Variants in NRG3 observed in about 807,000 individuals in gnomAD.
NRG3 encodes pro-neuregulin-3, membrane-bound isoform.
Under a neutral mutation model 66.9 loss-of-function variants are expected in NRG3, and 31 were observed. That is an observed-to-expected ratio of 0.46 (90% CI 0.35 to 0.63). The LOEUF (loss-of-function observed/expected upper bound fraction) is 0.63. Among genes scored for constraint, NRG3 ranks in the 20% least tolerant of loss-of-function variants. The pLI is 0.00. For missense variants in NRG3, 910 were observed against 878.9 expected (o/e 1.04, Z -0.45); for synonymous variants, 393 against 359.4 (o/e 1.09, Z -1.06).
At chr10:82,485,912 A>T (rs1007222534) in intron 2 of NRG3, among the ~76,000 whole-genome samples, 1 of 152,176 alleles carries the variant, frequency 6.6e-6, no homozygotes, top group Non-Finnish European at 1.5e-5. Flanking sequence ...TAAGGACTCA[A>T]TATCTAAAAA....
intron 1 of NRG3, among the ~76,000 whole-genome samples, chr10:82,222,620 C>G (rs1400481653): frequency 6.6e-6 from 1 of 152,158 alleles, no homozygotes; most frequent in African/African-American, 2.4e-5. Flanking sequence ...AACATTTTCT[C>G]TTATAACATC....
intron 2 of NRG3, among the ~76,000 whole-genome samples, chr10:82,677,179 G>A (rs2053763734): frequency 6.6e-6 from 1 of 151,282 alleles, no homozygotes. Context: ...AGCTTTGCTA[G>A]TAGCTGGGAC....
intron 1 of NRG3, among the ~76,000 whole-genome samples, chr10:82,019,375 T>G (rs2061948099): frequency 6.6e-6 from 1 of 152,154 alleles, no homozygotes; most frequent in African/African-American, 2.4e-5. Context: ...AATGTTCATC[T>G]GGGATTATGA....
intron 2 of NRG3, among the ~76,000 whole-genome samples, chr10:82,525,593 C>A (rs1846619191): frequency 6.6e-6 from 1 of 151,514 alleles, no homozygotes; most frequent in Non-Finnish European, 1.5e-5. Flanking sequence ...TATCTTAAGC[C>A]CAAAATTATT....
chr10:81,975,769 C>T (rs11815158), intron 1 of NRG3, among the ~76,000 whole-genome samples: 13,472 of 152,122 alleles, frequency 0.089, 873 homozygotes, highest in African/African-American at 0.19. Context: ...TAAGATTTCA[C>T]ATGTATTTAA....
chr10:82,505,335 C>T (rs1334392135), intron 2 of NRG3, among the ~76,000 whole-genome samples: 2 of 152,186 alleles, frequency 1.3e-5, no homozygotes, highest in Non-Finnish European at 2.9e-5. Context: ...GAGAAAGGGC[C>T]AGAGTAGCCA....
intron 1 of NRG3, among the ~76,000 whole-genome samples, chr10:82,064,422 T>C (rs145501721): frequency 1.1e-3 from 167 of 152,118 alleles, no homozygotes; most frequent in African/African-American, 3.9e-3. Context: ...CACTAATCAT[T>C]ATTGAATACA....
intron 1 of NRG3, among the ~76,000 whole-genome samples, chr10:82,287,248 A>G (rs928874923): frequency 3.3e-5 from 5 of 151,726 alleles, no homozygotes; most frequent in Non-Finnish European, 5.9e-5. Context: ...TGGGATCTGG[A>G]TGTTTAAAAG....
chr10:82,824,427 A>G (rs766874367), intron 3 of NRG3, among the ~76,000 whole-genome samples: 8 of 152,192 alleles, frequency 5.3e-5, no homozygotes, highest in Non-Finnish European at 2.9e-5. Context: ...TATGTTAAAC[A>G]TATTGAAGAA....
At chr10:82,271,756 A>G (rs1039760160) in intron 1 of NRG3, among the ~76,000 whole-genome samples, 3 of 152,144 alleles carry the variant, frequency 2.0e-5, no homozygotes, top group Non-Finnish European at 4.4e-5. Flanking sequence ...GAGAAACAGC[A>G]TGAATATTAC....
At chr10:82,963,497 G>A (rs1342414593) in intron 6 of NRG3, among the ~76,000 whole-genome samples, 4 of 152,066 alleles carry the variant, frequency 2.6e-5, no homozygotes, top group Middle Eastern at 3.2e-3. Context: ...TGGCTAACAC[G>A]GTGAAACCCC....
chr10:82,336,900 G>A (rs975464682), intron 1 of NRG3, among the ~76,000 whole-genome samples: 1 of 152,168 alleles, frequency 6.6e-6, no homozygotes, highest in Admixed American at 6.5e-5. Context: ...ACAGAGAATG[G>A]ACCAATTTTC....
At chr10:82,777,091 G>C (rs2059938937) in intron 3 of NRG3, among the ~76,000 whole-genome samples, 1 of 152,110 alleles carries the variant, frequency 6.6e-6, no homozygotes, top group African/African-American at 2.4e-5. Context: ...TTCATTTGCA[G>C]ATGGGTCTTA....
chr10:82,275,646 C>G (rs2078810935), intron 1 of NRG3, among the ~76,000 whole-genome samples: 1 of 151,582 alleles, frequency 6.6e-6, no homozygotes, highest in South Asian at 2.1e-4. Context: ...AAATGATTTC[C>G]CTATTGTTTG....
chr10:81,877,820 A>T, intron 1 of NRG3: 1 of 1,427,050 alleles, frequency 7.0e-7, no homozygotes, highest in Non-Finnish European at 9.1e-7. Context: ...TAGAGCCTCC[A>T]CTCAACAAAT....
At position 81,935,876 on chromosome 10, in the gene NRG3, AACACACACACACACACACACACACAC is replaced by A. The variant is rs55670416; in HGVS notation, c.823+59737_823+59762del. Among the ~76,000 whole-genome samples, 3 of 132,518 alleles carry A rather than the reference AACACACACACACACACACACACACAC, an allele frequency of 2.3e-5. No homozygotes were observed. In the East Asian group the frequency reaches 6.5e-4, roughly 29 times the overall value. 86.9% of individuals were successfully genotyped at this position (132,518 alleles called of 152,430 possible). ...TTTTCATTATACTTTTCAGTGCCTG[AACACACACACACACACACACACACAC>A]ACACACACACACACACACACACAGT... On this transcript the variant is annotated intron_variant, in intron 1 of 8. Transcript: ENST00000372141.
chr10:82,239,545 TTTTAA>T (rs2076916850), intron 1 of NRG3, among the ~76,000 whole-genome samples: 1 of 152,228 alleles, frequency 6.6e-6, no homozygotes, highest in African/African-American at 2.4e-5. Context: ...TTTATTGTTG[TTTTAA>T]TTTATCTGAT....
intron 2 of NRG3, among the ~76,000 whole-genome samples, chr10:82,414,354 G>A (rs956546690): frequency 6.6e-6 from 1 of 152,088 alleles, no homozygotes; most frequent in Admixed American, 6.6e-5. Flanking sequence ...ATTGATTAAT[G>A]TCACTGTCTT....
rs149815538 is a variant in NRG3 at position 81,994,926 on chromosome 10, T to C, written c.823+118763T>C. On this transcript the variant is annotated intron_variant, in intron 1 of 8. Transcript: ENST00000372141. ...TTCTAAAACGTCAGTTTTCTTTAGCTGAGGAAAGTTATTTTTCATTTTTTT... is the reference window on the plus strand; with the variant it reads ...TTCTAAAACGTCAGTTTTCTTTAGCCGAGGAAAGTTATTTTTCATTTTTTT... Among the ~76,000 whole-genome samples, 569 of 152,288 alleles carry C rather than the reference T, an allele frequency of 3.7e-3. 7 individuals carry two copies. Among genetic ancestry groups the C allele is most frequent in the African/African-American group, 0.013 (544 of 41,576 alleles).
Sources: gnomAD v4.1 joint callset for allele counts (sites outside exome capture counted in the v4.1 genomes callset) on GRCh38, gnomAD v4.1.1 for gene constraint, MANE v1.5 for transcripts, NCBI Gene and HGNC (gene_info 2026-07-23, HGNC 2026-07-21) for gene names.